NEK5: variants seen among roughly 807,000 people sequenced by gnomAD.
NEK5 encodes serine/threonine-protein kinase Nek5.
In NEK5, 88 loss-of-function variants were observed where a neutral mutation model predicts 109.2. The observed-to-expected ratio is 0.81, with a 90% confidence interval of 0.68 to 0.96. The LOEUF (loss-of-function observed/expected upper bound fraction) is 0.96. Ranked by LOEUF, NEK5 falls within the 40% of genes least tolerant of loss-of-function variation. The pLI is 0.00. For synonymous variants in NEK5, 283 were observed against 299.9 expected, an observed-to-expected ratio of 0.94 and a Z score of 0.58; for missense variants, 834 against 920.7, an observed-to-expected ratio of 0.91 and a Z score of 1.22.
At chr13:52,044,075 G>A (rs2408546) in intron 23 of NEK5, among the ~76,000 whole-genome samples, 87,004 of 152,124 alleles carry the variant, frequency 0.57, 27,743 homozygotes, top group Non-Finnish European at 0.71. Context: ...CGGCTAGAAT[G>A]TAAGCAGGCA....
At chr13:52,052,639 A>G (rs776726323) in intron 22 of NEK5, among the ~76,000 whole-genome samples, 1 of 152,150 alleles carries the variant, frequency 6.6e-6, no homozygotes, top group Admixed American at 6.5e-5. Flanking sequence ...TGCTTTTCAC[A>G]TATTAAATAT....
At position 52,115,172 on chromosome 13, in the gene NEK5, C is replaced by A. The variant is rs904850433; in HGVS notation, c.215-2807G>T. Among the ~76,000 whole-genome samples, 3 of 152,010 alleles carry A rather than the reference C, an allele frequency of 2.0e-5. No individual in the cohort carries two copies. The East Asian group carries it at 5.9e-4, about 30-fold the overall frequency. On this transcript the variant is annotated intron_variant, in intron 4 of 23. Coordinates refer to ENST00000684899, the MANE Select transcript of NEK5 (RefSeq NM_001365552.1). ...GGGACTACAGGCGCCCGCCACCATGCCCGGCTAATTTTTTGTATTTTTAGT... is the reference window on the plus strand; with the variant it reads ...GGGACTACAGGCGCCCGCCACCATGACCGGCTAATTTTTTGTATTTTTAGT...
At chr13:52,083,166 C>G in intron 17 of NEK5, 94 bp downstream of exon 17, 2 of 818,062 alleles carry the variant, frequency 2.4e-6, no homozygotes, top group South Asian at 3.0e-5. Flanking sequence ...AAAAAAGTTC[C>G]CTACGTGGTT....
At chr13:52,037,786 G>A (rs1279856752) in intron 23 of NEK5, among the ~76,000 whole-genome samples, 4 of 152,300 alleles carry the variant, frequency 2.6e-5, no homozygotes, top group Non-Finnish European at 5.9e-5. Flanking sequence ...AGCCGGGCGT[G>A]GTACCGGGCG....
intron 3 of NEK5, among the ~76,000 whole-genome samples, chr13:52,122,051 G>A (rs1211516512): frequency 1.2e-4 from 18 of 151,674 alleles, no homozygotes; most frequent in Non-Finnish European, 4.4e-5. Flanking sequence ...ACAGGCACTT[G>A]CCACCATGCC....
At chr13:52,079,171 C>G (rs1457805530) in intron 17 of NEK5, among the ~76,000 whole-genome samples, 1 of 151,548 alleles carries the variant, frequency 6.6e-6, no homozygotes, top group East Asian at 1.9e-4. Flanking sequence ...ATGTGTTCTG[C>G]AAGAAGAGAA....
chr13:52,038,390 A>C (rs1206439526), intron 23 of NEK5, among the ~76,000 whole-genome samples: 1 of 152,172 alleles, frequency 6.6e-6, no homozygotes, highest in Admixed American at 6.5e-5. Context: ...AGCCAAGAAG[A>C]TGTGTATCGT....
chr13:52,090,078 C>T (rs1955246543), intron 13 of NEK5, among the ~76,000 whole-genome samples: 1 of 152,190 alleles, frequency 6.6e-6, no homozygotes, highest in Non-Finnish European at 1.5e-5. Flanking sequence ...ATCCCTTTAT[C>T]TCCGCACATA....
rs1954338902 is a variant in NEK5, at chr13:52,034,434, A to AT, written c.*2513dup. The stretch of plus-strand genomic sequence containing the variant: ...AATTGTTGAGTAAAGCTTGGTGACT[A>AT]TTACCTAAAATAGACTAGACTTTAG... On this transcript the variant is annotated 3_prime_UTR_variant, in exon 24 of 24. Transcript: ENST00000684899. 1 of 151,164 alleles carries AT rather than the reference A, an allele frequency of 6.6e-6. No homozygotes were observed. Among genetic ancestry groups the AT allele is most frequent in the South Asian group, 2.1e-4 (1 of 4,798 alleles). 9.4% of individuals were successfully genotyped at this position (151,164 alleles called of 1,614,324 possible).
At chr13:52,092,871 G>A (rs1228451092) in intron 13 of NEK5, among the ~76,000 whole-genome samples, 183 bp downstream of exon 13, 1 of 152,212 alleles carries the variant, frequency 6.6e-6, no homozygotes, top group Non-Finnish European at 1.5e-5. Context: ...AGGCATCAGA[G>A]TGAGACTGTC....
chr13:52,060,957 T>C (rs1301261919), intron 22 of NEK5, among the ~76,000 whole-genome samples: 1 of 152,148 alleles, frequency 6.6e-6, no homozygotes, highest in African/African-American at 2.4e-5. Context: ...ACTCCTAGCC[T>C]CAAGAGATCC....
chr13:52,067,080 T>G lies in NEK5; in HGVS notation c.1850-1471A>C, dbSNP rs374785390. On this transcript the variant is annotated intron_variant, in intron 20 of 23. Transcript: ENST00000684899. ...TTTCTCTTCTCACTGTTTTAACTATTTGGGTGCTACTATCATATTGTGTGA... is the reference window on the plus strand; with the variant it reads ...TTTCTCTTCTCACTGTTTTAACTATGTGGGTGCTACTATCATATTGTGTGA... Among the ~76,000 whole-genome samples, 144 of 152,298 alleles carry G rather than the reference T, an allele frequency of 9.5e-4. No individual in the cohort carries two copies. The Middle Eastern group carries it at 0.01, about 11-fold the overall frequency.
At chr13:52,081,054 G>A (rs1369528947) in intron 17 of NEK5, among the ~76,000 whole-genome samples, 1 of 151,846 alleles carries the variant, frequency 6.6e-6, no homozygotes, top group East Asian at 1.9e-4. Context: ...TGTGAGCAAT[G>A]AGGCTGGAAC....
rs975865908 is a variant in NEK5 at position 52,127,021 on chromosome 13, G to A, written c.117+345C>T. Among the ~76,000 whole-genome samples, 4 of 152,260 alleles carry A rather than the reference G, an allele frequency of 2.6e-5. No homozygotes were observed. The Middle Eastern group carries it at 0.01, about 388-fold the overall frequency. ...GGAGGGCCATAGGAGCCACAGGGAT[G>A]TGATCTTATTTCTTTTCTATTTTCA... On this transcript the variant is annotated intron_variant, in intron 3 of 23. Coordinates refer to ENST00000684899, the MANE Select transcript of NEK5 (RefSeq NM_001365552.1).
At chr13:52,062,876 G>A (rs1342641014) in intron 21 of NEK5, among the ~76,000 whole-genome samples, 1 of 152,016 alleles carries the variant, frequency 6.6e-6, no homozygotes, top group East Asian at 1.9e-4. Flanking sequence ...ATTAACTCTC[G>A]AAATCTTGTA....
At chr13:52,071,388 C>T (rs772099059) in intron 20 of NEK5, among the ~76,000 whole-genome samples, 1 of 152,188 alleles carries the variant, frequency 6.6e-6, no homozygotes, top group Admixed American at 6.5e-5. Flanking sequence ...CCAATATGAC[C>T]CTATAAAACT....
Position 52,080,785 on chromosome 13 carries a change from A to G in NEK5, c.1572+2475T>C, listed in dbSNP as rs1298062480. On this transcript the variant is annotated intron_variant, in intron 17 of 23. Coordinates refer to ENST00000684899, the MANE Select transcript of NEK5 (RefSeq NM_001365552.1). ...GCCGCAGGGTCCTCTGCCTAGGAAAACCAGAGACCTTTGTTCACTTGTTTG... is the reference window on the plus strand; with the variant it reads ...GCCGCAGGGTCCTCTGCCTAGGAAAGCCAGAGACCTTTGTTCACTTGTTTG... Among the ~76,000 whole-genome samples, 4 of 151,820 alleles carry G rather than the reference A, an allele frequency of 2.6e-5. No homozygotes were observed. In the East Asian group the frequency reaches 7.8e-4, roughly 30 times the overall value.
intron 4 of NEK5, among the ~76,000 whole-genome samples, chr13:52,112,704 A>T (rs753782721): frequency 6.6e-6 from 1 of 152,218 alleles, no homozygotes; most frequent in Non-Finnish European, 1.5e-5. Context: ...CTGCTGTAAA[A>T]ATAGCAGCTG....
chr13:52,121,992 C>T lies in NEK5; in HGVS notation c.118-2577G>A, dbSNP rs1177615654. 3.3e-5 allele frequency among the ~76,000 whole-genome samples: 5 copies of T among 150,404 alleles called. 1 individual carries two copies. In the East Asian group the frequency reaches 9.7e-4, roughly 29 times the overall value. On this transcript the variant is annotated intron_variant, in intron 3 of 23. Coordinates refer to ENST00000684899, the MANE Select transcript of NEK5 (RefSeq NM_001365552.1). ...ATGTTGTCTAAGCTGGATTTTAACT[C>T]CTGGGGTCAAGGGATCCTCCCAACT...
Sources: allele counts gnomAD v4.1 joint callset (sites outside exome capture counted in the v4.1 genomes callset), GRCh38; gene constraint gnomAD v4.1.1; transcripts MANE v1.5; gene names NCBI Gene and HGNC (gene_info 2026-07-23, HGNC 2026-07-21).